Variants in KIAA0825 observed in about 807,000 individuals in gnomAD.
The protein encoded by KIAA0825 is KIAA0825.
In KIAA0825, 119 loss-of-function variants were observed where a neutral mutation model predicts 147.6. That is an observed-to-expected ratio of 0.81 (90% CI 0.69 to 0.94). The LOEUF is 0.94. Ranked by LOEUF, KIAA0825 falls within the 40% of genes least tolerant of loss-of-function variation. The pLI, the probability that KIAA0825 is intolerant of heterozygous loss-of-function variation, is 0.00. For missense variants in KIAA0825, 1,381 were observed against 1,472.7 expected, an observed-to-expected ratio of 0.94 and a Z score of 1.02; for synonymous variants, 470 against 518.1, an observed-to-expected ratio of 0.91 and a Z score of 1.26.
At chr5:94,584,114 G>T (rs1782781406) in intron 1 of KIAA0825, among the ~76,000 whole-genome samples, 1 of 152,126 alleles carries the variant, frequency 6.6e-6, no homozygotes, top group Non-Finnish European at 1.5e-5. Context: ...AATTCCAAAA[G>T]CCAGAATGCC....
At chr5:94,528,685 A>G (rs941718873) in intron 3 of KIAA0825, among the ~76,000 whole-genome samples, 1 of 152,146 alleles carries the variant, frequency 6.6e-6, no homozygotes, top group African/African-American at 2.4e-5. Flanking sequence ...GAAGTGGCAC[A>G]GGGCTATGTT....
chr5:94,158,202 GC>G (rs1158726398), intron 20 of KIAA0825, among the ~76,000 whole-genome samples: 1 of 151,992 alleles, frequency 6.6e-6, no homozygotes, highest in Non-Finnish European at 1.5e-5. Context: ...TGGAACACAG[GC>G]CCCCTTATTT....
intron 20 of KIAA0825, among the ~76,000 whole-genome samples, chr5:94,177,672 C>T (rs974639996): frequency 1.3e-5 from 2 of 151,958 alleles, no homozygotes; most frequent in African/African-American, 4.8e-5. Context: ...TGAATGGCTG[C>T]GTATTATAAT....
At chr5:94,465,128 C>G in intron 10 of KIAA0825, 69 bp from the exon 11 acceptor site, 1 of 1,416,290 alleles carries the variant, frequency 7.1e-7, no homozygotes, top group Non-Finnish European at 9.6e-7. Flanking sequence ...TTCCTATGAA[C>G]GTAATTAGTT....
intron 20 of KIAA0825, among the ~76,000 whole-genome samples, chr5:94,227,078 C>T (rs1231193618): frequency 2.2e-4 from 33 of 152,168 alleles, no homozygotes; most frequent in Non-Finnish European, 1.6e-4. Context: ...AATCATGCTG[C>T]TATAAAGACA....
At chr5:94,234,410 A>T (rs575688045) in intron 20 of KIAA0825, among the ~76,000 whole-genome samples, 3 of 151,930 alleles carry the variant, frequency 2.0e-5, no homozygotes, top group Non-Finnish European at 2.9e-5. Flanking sequence ...AAAAAATAAA[A>T]AAAAAATATG....
intron 20 of KIAA0825, among the ~76,000 whole-genome samples, chr5:94,164,160 C>A (rs1280300173): frequency 6.6e-6 from 1 of 152,100 alleles, no homozygotes; most frequent in African/African-American, 2.4e-5. Flanking sequence ...CAATCCCTAT[C>A]AAAATACCAA....
chr5:94,171,802 G>A (rs1768642433), intron 20 of KIAA0825, among the ~76,000 whole-genome samples: 1 of 151,972 alleles, frequency 6.6e-6, no homozygotes. Flanking sequence ...GGTGGTAGTG[G>A]CAATGTGATG....
At chr5:94,336,004 C>T (rs1298917017) in intron 20 of KIAA0825, among the ~76,000 whole-genome samples, 1 of 152,096 alleles carries the variant, frequency 6.6e-6, no homozygotes, top group African/African-American at 2.4e-5. Context: ...AGTATATTCT[C>T]ATTTATAATT....
intron 20 of KIAA0825, among the ~76,000 whole-genome samples, chr5:94,359,389 G>A (rs1744745038): frequency 6.6e-6 from 1 of 152,164 alleles, no homozygotes; most frequent in South Asian, 2.1e-4. Context: ...AGCCAAAAGT[G>A]ATTTCTCAAA....
intron 13 of KIAA0825, among the ~76,000 whole-genome samples, chr5:94,445,840 T>C (rs1198868765): frequency 6.6e-6 from 1 of 152,198 alleles, no homozygotes. Context: ...ATACTGCTTG[T>C]CCATCCACAC....
At chr5:94,451,696 T>C (rs1001697476) in intron 13 of KIAA0825, among the ~76,000 whole-genome samples, 2 of 152,210 alleles carry the variant, frequency 1.3e-5, no homozygotes, top group African/African-American at 4.8e-5. Flanking sequence ...TCTAGCTGGG[T>C]TGATCCGAGC....
At chr5:94,332,462 G>A (rs1456027846) in intron 20 of KIAA0825, among the ~76,000 whole-genome samples, 4 of 152,078 alleles carry the variant, frequency 2.6e-5, no homozygotes, top group African/African-American at 9.7e-5. Flanking sequence ...ACTTATGAGC[G>A]AGAAAATGCG....
intron 20 of KIAA0825, among the ~76,000 whole-genome samples, chr5:94,187,575 C>T (rs1417350344): frequency 3.3e-5 from 5 of 151,712 alleles, no homozygotes; most frequent in Admixed American, 6.6e-5. Context: ...TACTGGCACC[C>T]GCCACCACGT....
intron 2 of KIAA0825, among the ~76,000 whole-genome samples, chr5:94,556,109 G>C (rs1045918282): frequency 6.6e-6 from 1 of 151,382 alleles, no homozygotes; most frequent in African/African-American, 2.4e-5. Flanking sequence ...CTGGAGTGCA[G>C]TGGTGCGATC....
rs1248262264 is a variant in KIAA0825, at chr5:94,453,019, A to G, written c.2297T>C (p.Phe766Ser). The G allele has an allele frequency of 6.5e-7, 1 of 1,529,922 alleles. No homozygotes were observed. Among genetic ancestry groups the G allele is most frequent in the Non-Finnish European group, 8.8e-7 (1 of 1,139,186 alleles). The allele number at this position is 1,529,922 out of a possible 1,614,324, so 94.8% of individuals were successfully genotyped here. The change falls in exon 13 of 21, where the codon TTT (phenylalanine) becomes TCT (serine). Residue 766 changes from phenylalanine (F) to serine (S), a missense_variant. Coordinates refer to ENST00000682413, the MANE Select transcript of KIAA0825 (RefSeq NM_001145678.3). ...DESASDSLKS[F>S]FKQPLYWVSC... is the part of the protein sequence containing the mutation. ...AACCCAATATAATGGTTGCTTAAAA[A>G]ATGATTTTAAGGAATCTGAAGCAGA...
intron 20 of KIAA0825, among the ~76,000 whole-genome samples, chr5:94,311,453 T>G (rs1338276827): frequency 6.6e-6 from 1 of 151,622 alleles, no homozygotes; most frequent in Non-Finnish European, 1.5e-5. Context: ...AGGACATTCT[T>G]TAAATGTCTC....
rs539476882 is a variant in KIAA0825, at chr5:94,594,287, C to T, written c.-152-11704G>A. 551 of 636,914 alleles carry T rather than the reference C, an allele frequency of 8.7e-4. 1 individual carries two copies. Among genetic ancestry groups the T allele is most frequent in the Non-Finnish European group, 1.3e-3 (435 of 326,822 alleles). The allele number at this position is 636,914 out of a possible 1,614,324, so 39.5% of individuals were successfully genotyped here. ...GCTTGGAATGCCCTGAGTTTCAGATCCCATGGTTTCTCGACTGCTTCTGTC... is the reference window on the plus strand; with the variant it reads ...GCTTGGAATGCCCTGAGTTTCAGATTCCATGGTTTCTCGACTGCTTCTGTC... On this transcript the variant is annotated intron_variant, in intron 1 of 20. Transcript: ENST00000682413.
chr5:94,236,787 C>A (rs1373145041), intron 20 of KIAA0825, among the ~76,000 whole-genome samples: 3 of 152,194 alleles, frequency 2.0e-5, no homozygotes, highest in African/African-American at 4.8e-5. Context: ...TCTACACCAG[C>A]AAAATTATTA....
Sources: allele counts gnomAD v4.1 joint callset (sites outside exome capture counted in the v4.1 genomes callset), GRCh38; gene constraint gnomAD v4.1.1; transcripts MANE v1.5; gene names NCBI Gene and HGNC (gene_info 2026-07-23, HGNC 2026-07-21).